The following CSMD2 variants were observed in gnomAD, a reference collection of about 807,000 sequenced individuals.
CSMD2 encodes the protein CUB and Sushi multiple domains 2, also known as CUB and sushi domain-containing protein 2.
A neutral mutation model predicts 398.5 loss-of-function variants in CSMD2; 130 were observed. That is an observed-to-expected ratio of 0.33 (90% confidence interval 0.28 to 0.38). The LOEUF (loss-of-function observed/expected upper bound fraction) is 0.38. Ranked by LOEUF, CSMD2 falls within the 10% of genes least tolerant of loss-of-function variation. The pLI, the probability that CSMD2 is intolerant of heterozygous loss-of-function variation, is 1.00. For missense variants in CSMD2, 3,829 were observed against 4,764.9 expected, an observed-to-expected ratio of 0.80 and a Z score of 5.78; for synonymous variants, 1,828 against 1,908.5, an observed-to-expected ratio of 0.96 and a Z score of 1.10.
chr1:33,739,177 G>T lies in CSMD2; in HGVS notation c.2331C>A (p.Gly777=). 6.2e-7 allele frequency: 1 copy of T among 1,614,068 alleles called. No individual in the cohort carries two copies. The change falls in exon 15 of 71, where the codon GGC becomes GGA. Residue 777 remains glycine (G), a synonymous_variant. Coordinates refer to ENST00000373381, the MANE Select transcript of CSMD2 (RefSeq NM_001281956.2). ...SETITCVLKE[G]SVVWNSAVLR... ...GCACAGCGCTGTTCCAGACCACGCT[G>T]CCCTCCTTCAGGACGCAGGTGATGG...
intron 57 of CSMD2, among the ~76,000 whole-genome samples, chr1:33,544,211 A>G (rs1656646207): frequency 7.2e-6 from 1 of 139,684 alleles, no homozygotes; most frequent in African/African-American, 2.7e-5. Flanking sequence ...GGTTCATGCC[A>G]TTGTCCTGCC....
intron 2 of CSMD2, among the ~76,000 whole-genome samples, chr1:34,061,314 C>T (rs1380871713): frequency 6.6e-6 from 1 of 152,184 alleles, no homozygotes; most frequent in Non-Finnish European, 1.5e-5. Flanking sequence ...TCACTCTGAC[C>T]ACAAGGCAGA....
chr1:33,743,975 T>C (rs1322116061), intron 13 of CSMD2, among the ~76,000 whole-genome samples: 1 of 152,226 alleles, frequency 6.6e-6, no homozygotes, highest in Admixed American at 6.5e-5. Context: ...ATATCTGTAA[T>C]AGTGTCCACC....
intron 50 of CSMD2, 129 bp from the exon 51 acceptor site, chr1:33,571,855 A>C: frequency 1.5e-6 from 1 of 683,338 alleles, no homozygotes; most frequent in Non-Finnish European, 2.1e-6. Flanking sequence ...TTCAGTTCTC[A>C]GGCAGGTTTG....
chr1:33,842,984 T>G (rs6425850), intron 6 of CSMD2, among the ~76,000 whole-genome samples: 39,560 of 152,062 alleles, frequency 0.26, 5,781 homozygotes, highest in South Asian at 0.38. Flanking sequence ...GACCCACATT[T>G]AAGTCACTGC....
rs79024726 is a variant in CSMD2 at position 33,832,760 on chromosome 1, T to A, written c.1034-6986A>T. Among the ~76,000 whole-genome samples the A allele has an allele frequency of 1.8e-3, 279 of 151,014 alleles. 1 individual carries two copies. Among genetic ancestry groups the A allele is most frequent in the African/African-American group, 6.2e-3 (253 of 41,122 alleles). On this transcript the variant is annotated intron_variant, in intron 6 of 70. Transcript: ENST00000373381. ...AAAATTGATAGACCGCTAGCAAGAC[T>A]AATAAAGAAGAAAAGAGAGAAGAAT...
Position 33,546,088 on chromosome 1 carries a change from G to A in CSMD2, c.9049C>T (p.Arg3017Cys). 2 of 1,614,098 alleles carry A rather than the reference G, an allele frequency of 1.2e-6. No individual in the cohort carries two copies. Among genetic ancestry groups the A allele is most frequent in the Non-Finnish European group, 1.7e-6 (2 of 1,180,014 alleles). Residue 3017 changes from arginine (R) to cysteine (C), a missense_variant, in exon 57 of 71, where the codon CGC becomes TGC. Transcript: ENST00000373381. The part of the protein sequence containing the change: ...AGHVLRGSSE[R>C]TCQANGSWSG... ...CACGAGCCATTGGCTTGACAGGTGC[G>A]CTCTGACGATCCCCGGAGCACGTGG...
At chr1:33,796,625 A>AAC (rs945166106) in intron 10 of CSMD2, among the ~76,000 whole-genome samples, 15 of 143,670 alleles carry the variant, frequency 1.0e-4, no homozygotes, top group African/African-American at 4.4e-4. Flanking sequence ...CTGATTGTAA[A>AAC]ACGTGTGTTT....
chr1:33,610,021 G>C (rs979834813), intron 41 of CSMD2, among the ~76,000 whole-genome samples: 26 of 152,160 alleles, frequency 1.7e-4, no homozygotes, highest in Non-Finnish European at 2.9e-5. Context: ...ACCATGTGAG[G>C]ACGCAGTGAG....
rs114107998 is a variant in CSMD2 at position 33,528,141 on chromosome 1, G to A, written c.10172-883C>T. ...GGCAAAGCAAAGGCAAAAGCTTTGG[G>A]CCTGGGCCAGACAGCCAAGGTTCAG... On this transcript the variant is annotated intron_variant, in intron 64 of 70. Transcript: ENST00000373381. Among the ~76,000 whole-genome samples, 1,102 of 152,220 alleles carry A rather than the reference G, an allele frequency of 7.2e-3. 19 individuals are homozygous for A. The highest frequency in any genetic ancestry group is 0.025 in the African/African-American group (1,047 of 41,518).
chr1:33,529,342 C>T (rs1655049797), intron 64 of CSMD2, among the ~76,000 whole-genome samples: 2 of 152,062 alleles, frequency 1.3e-5, no homozygotes, highest in South Asian at 4.1e-4. Flanking sequence ...GACATGTAGT[C>T]TCCCTAGGGT....
rs753996795 is a variant in CSMD2 at position 33,567,748 on chromosome 1, G to A, written c.8225C>T (p.Pro2742Leu). 6 of 1,614,048 alleles carry A rather than the reference G, an allele frequency of 3.7e-6. No homozygotes were observed. The highest frequency in any genetic ancestry group is 5.1e-6 in the Non-Finnish European group (6 of 1,179,998). ...SLTKAGHCGT[P>L]EPIVNGHING... ...GATGTGTCCGTTGACAATGGGCTCA[G>A]GAGTCCCACAGTGTCCAGCTTTGGT... The change falls in exon 53 of 71, where the codon CCT (proline) becomes CTT (leucine). Residue 2742 changes from proline (P) to leucine (L), a missense_variant. Coordinates refer to ENST00000373381, the MANE Select transcript of CSMD2 (RefSeq NM_001281956.2).
intron 1 of CSMD2, among the ~76,000 whole-genome samples, chr1:34,120,142 G>C (rs1662020271): frequency 1.3e-5 from 2 of 152,038 alleles, no homozygotes; most frequent in South Asian, 4.1e-4. Flanking sequence ...GAACCTTGAA[G>C]ACATTATATG....
At chr1:33,746,600 CT>C (rs1647420400) in intron 13 of CSMD2, among the ~76,000 whole-genome samples, 1 of 152,162 alleles carries the variant, frequency 6.6e-6, no homozygotes, top group Admixed American at 6.5e-5. Flanking sequence ...TTATCATTCT[CT>C]AAAATTATCT....
chr1:34,109,510 G>T (rs879653711), intron 1 of CSMD2, among the ~76,000 whole-genome samples: 5 of 152,170 alleles, frequency 3.3e-5, no homozygotes, highest in African/African-American at 9.7e-5. Context: ...TTGTCCCCCA[G>T]AGTTTTTACA....
intron 59 of CSMD2, 34 bp downstream of exon 59, chr1:33,541,096 G>T: frequency 6.2e-7 from 1 of 1,603,902 alleles, no homozygotes; most frequent in South Asian, 1.1e-5. Flanking sequence ...TATCTTCTTT[G>T]GCTCTCTGTC....
chr1:33,829,675 G>A (rs189707928), intron 6 of CSMD2, among the ~76,000 whole-genome samples: 119 of 152,326 alleles, frequency 7.8e-4, no homozygotes, highest in African/African-American at 2.2e-3. Context: ...TGGGTGCAGC[G>A]CACCGTGCAT....
At chr1:33,979,630 A>C (rs74068670) in intron 3 of CSMD2, among the ~76,000 whole-genome samples, 1 of 152,180 alleles carries the variant, frequency 6.6e-6, no homozygotes, top group Non-Finnish European at 1.5e-5. Flanking sequence ...AATCACTACA[A>C]GAAAGGAAAG....
intron 15 of CSMD2, among the ~76,000 whole-genome samples, chr1:33,732,015 T>G (rs1646735561): frequency 6.6e-6 from 1 of 152,138 alleles, no homozygotes; most frequent in African/African-American, 2.4e-5. Flanking sequence ...TAGGTACATG[T>G]GGGTTCATTA....
Sources: gnomAD v4.1 joint callset for allele counts (sites outside exome capture counted in the v4.1 genomes callset) on GRCh38, gnomAD v4.1.1 for gene constraint, MANE v1.5 for transcripts, NCBI Gene and HGNC (gene_info 2026-07-23, HGNC 2026-07-21) for gene names.